The following FBN1 variants were observed in gnomAD, a reference collection of about 807,000 sequenced individuals.
FBN1 encodes fibrillin-1.
Under a neutral mutation model 365.1 loss-of-function variants are expected in FBN1, and 29 were observed. The ratio of observed to expected loss-of-function variants is 0.08; its 90% confidence interval spans 0.06 to 0.11. The LOEUF (loss-of-function observed/expected upper bound fraction) is 0.11, where lower values mean the gene tolerates loss of function less well. FBN1 is among the 10% of genes least tolerant of loss of function. The pLI is 1.00. For synonymous variants in FBN1, 1,210 were observed against 1,270.5 expected (o/e 0.95, Z 1.01); for missense variants, 2,476 against 3,703.2 (o/e 0.67, Z 8.60).
chr15:48,488,787 C>T (rs2043531555), intron 25 of FBN1, among the ~76,000 whole-genome samples: 1 of 152,140 alleles, frequency 6.6e-6, no homozygotes, highest in African/African-American at 2.4e-5. Context: ...CCACTACTTG[C>T]TGAGTGAATA....
chr15:48,436,907 T>C (rs1169254959), intron 53 of FBN1, 54 bp downstream of exon 53: 11 of 1,110,348 alleles, frequency 9.9e-6, no homozygotes, highest in East Asian at 2.3e-5. Context: ...GTGAATACTG[T>C]ATAGCTTAAT....
At chr15:48,532,459 GAT>G (rs1022884833) in intron 8 of FBN1, among the ~76,000 whole-genome samples, 18 of 151,500 alleles carry the variant, frequency 1.2e-4, no homozygotes, top group South Asian at 1.0e-3. Flanking sequence ...TCTATATAAA[GAT>G]ATGTGTGTGT....
At chr15:48,541,907 A>C (rs1489942735) in intron 6 of FBN1, among the ~76,000 whole-genome samples, 1 of 152,170 alleles carries the variant, frequency 6.6e-6, no homozygotes, top group Non-Finnish European at 1.5e-5. Context: ...TCCTTATAAG[A>C]CCTTCATGAA....
chr15:48,644,596 G>GT lies in FBN1; in HGVS notation c.164+9dup. On this transcript the variant is annotated intron_variant, in intron 2 of 65. Transcript: ENST00000316623. The stretch of plus-strand genomic sequence containing the variant: ...AGACCCACACCAAAGGAGGGAACCG[G>GT]TTCCTTTACCCTTTAAGCGCGTCGT... 1 of 1,614,058 alleles carries GT rather than the reference G, an allele frequency of 6.2e-7. No individual in the cohort carries two copies. The highest frequency in any genetic ancestry group is 8.5e-7 in the Non-Finnish European group (1 of 1,180,004).
intron 8 of FBN1, among the ~76,000 whole-genome samples, chr15:48,531,002 T>C (rs1280883474): frequency 1.3e-5 from 2 of 152,232 alleles, no homozygotes; most frequent in Non-Finnish European, 2.9e-5. Context: ...TAGTAACCTA[T>C]GCAAATATGG....
chr15:48,522,996 G>A (rs2043872582), intron 9 of FBN1, among the ~76,000 whole-genome samples: 2 of 152,314 alleles, frequency 1.3e-5, no homozygotes, highest in Admixed American at 1.3e-4. Flanking sequence ...TCTCTGTGAA[G>A]CCTCAGGTGG....
chr15:48,603,537 T>C (rs2044583430), intron 4 of FBN1, among the ~76,000 whole-genome samples: 1 of 152,228 alleles, frequency 6.6e-6, no homozygotes, highest in South Asian at 2.1e-4. Context: ...TGGTTTTATT[T>C]TGGATTCAGT....
chr15:48,641,837 G>A (rs141810112), intron 2 of FBN1: 33 of 152,306 alleles, frequency 2.2e-4, no homozygotes, highest in African/African-American at 7.5e-4. Context: ...TTATTCATAT[G>A]AGACTGTAAC....
At chr15:48,547,233 G>C (rs1248652105) in intron 6 of FBN1, among the ~76,000 whole-genome samples, 2 of 152,064 alleles carry the variant, frequency 1.3e-5, no homozygotes, top group African/African-American at 4.8e-5. Context: ...AAACATTAGG[G>C]TTGAGATTCT....
intron 32 of FBN1, among the ~76,000 whole-genome samples, chr15:48,480,898 T>C (rs2043460428): frequency 6.6e-6 from 1 of 152,208 alleles, no homozygotes; most frequent in South Asian, 2.1e-4. Context: ...TATAAGTAAC[T>C]AGAGTAAAAC....
chr15:48,504,920 C>G (rs2043695172), intron 16 of FBN1, 105 bp downstream of exon 16: 4 of 1,462,706 alleles, frequency 2.7e-6, no homozygotes, highest in Non-Finnish European at 3.8e-6. Flanking sequence ...TGCAAATATT[C>G]TTTATATCTT....
rs61730054 is a variant in FBN1 at position 48,470,652 on chromosome 15, T to C, written c.4441A>G (p.Ser1481Gly). The change falls in exon 36 of 66, where the codon AGC (serine) becomes GGC (glycine). Residue 1481 changes from serine (S) to glycine (G), a missense_variant. Physicochemically the swap from Ser to Gly is moderately conservative, Grantham distance 56 (BLOSUM62 0). Transcript: ENST00000316623. ...ECEIGYELDRSGGNCTDVNEC... is the reference protein window; with the variant it reads ...ECEIGYELDRGGGNCTDVNEC... Reference sequence around the variant, plus strand: ...GTCTTACCTGTGCAGTTCCCGCCGCTTCTGTCCAGTTCGTAGCCTATCTCA... The same window carrying C: ...GTCTTACCTGTGCAGTTCCCGCCGCCTCTGTCCAGTTCGTAGCCTATCTCA... The C allele has an allele frequency of 2.2e-4, 355 of 1,614,050 alleles. 1 individual carries two copies. The African/African-American group carries it at 4.0e-3, about 18-fold the overall frequency.
chr15:48,552,240 A>G (rs1460010868), intron 6 of FBN1, among the ~76,000 whole-genome samples: 1 of 151,986 alleles, frequency 6.6e-6, no homozygotes, highest in African/African-American at 2.4e-5. Flanking sequence ...TAAAGCACAA[A>G]GAAAGAAGAA....
At chr15:48,481,137 T>A (rs1267002249) in intron 32 of FBN1, among the ~76,000 whole-genome samples, 1 of 152,204 alleles carries the variant, frequency 6.6e-6, no homozygotes, top group African/African-American at 2.4e-5. Context: ...CTAAGTCCCA[T>A]GAATAAAGAC....
intron 42 of FBN1, among the ~76,000 whole-genome samples, chr15:48,461,458 A>C (rs1597544211): frequency 6.6e-6 from 1 of 152,218 alleles, no homozygotes; most frequent in African/African-American, 2.4e-5. Flanking sequence ...GGAAAAATCT[A>C]ATCTTTAAAA....
intron 2 of FBN1, among the ~76,000 whole-genome samples, chr15:48,633,690 T>G (rs16961278): frequency 0.017 from 2,620 of 152,198 alleles, 75 homozygotes; most frequent in African/African-American, 0.061. Flanking sequence ...GTAATCACAC[T>G]GCCTAAGATC....
chr15:48,559,051 C>T (rs1018414608), intron 6 of FBN1, among the ~76,000 whole-genome samples: 1 of 152,204 alleles, frequency 6.6e-6, no homozygotes, highest in Non-Finnish European at 1.5e-5. Flanking sequence ...CCTCACTCAA[C>T]ACATGCCCCA....
chr15:48,492,659 C>A, intron 23 of FBN1, 73 bp from the exon 24 acceptor site: 1 of 1,182,180 alleles, frequency 8.5e-7, no homozygotes, highest in South Asian at 1.4e-5. Flanking sequence ...CTCATAGAGT[C>A]ATAATTATTC....
chr15:48,532,746 T>C (rs994056894), intron 8 of FBN1, among the ~76,000 whole-genome samples: 3 of 152,154 alleles, frequency 2.0e-5, no homozygotes, highest in African/African-American at 7.2e-5. Context: ...AGTGCCAACA[T>C]TCTCTGCTTC....
Sources: gnomAD v4.1 joint callset for allele counts (sites outside exome capture counted in the v4.1 genomes callset) on GRCh38, gnomAD v4.1.1 for gene constraint, MANE v1.5 for transcripts, NCBI Gene and HGNC (gene_info 2026-07-23, HGNC 2026-07-21) for gene names.